ETF1: variants seen among roughly 807,000 people sequenced by gnomAD.
ETF1 encodes eukaryotic translation termination factor 1, also known as eukaryotic peptide chain release factor subunit 1.
In ETF1, 4 loss-of-function variants were observed where a neutral mutation model predicts 55.1. That is an observed-to-expected ratio of 0.07 (90% CI 0.04 to 0.17). The LOEUF (loss-of-function observed/expected upper bound fraction) is 0.17, where lower values mean the gene tolerates loss of function less well. Among genes scored for constraint, ETF1 ranks in the 10% least tolerant of loss-of-function variants. ETF1 has a pLI of 1.00. For synonymous variants in ETF1, 157 were observed against 182.3 expected (o/e 0.86, Z 1.12); for missense variants, 142 against 523.6 (o/e 0.27, Z 7.11).
chr5:138,524,670 T>C (rs1386478607), intron 2 of ETF1, among the ~76,000 whole-genome samples: 2 of 147,800 alleles, frequency 1.4e-5, no homozygotes, highest in Admixed American at 6.8e-5. Context: ...CTCTGCCTCC[T>C]GGGTTCAAGC....
At chr5:138,526,913 G>A (rs981484752) in intron 2 of ETF1, among the ~76,000 whole-genome samples, 1 of 152,020 alleles carries the variant, frequency 6.6e-6, no homozygotes, top group East Asian at 1.9e-4. Flanking sequence ...TGTTAGCCAG[G>A]ATGTTCTCGA....
chr5:138,524,217 G>C (rs1237540606), intron 2 of ETF1, among the ~76,000 whole-genome samples: 1 of 151,586 alleles, frequency 6.6e-6, no homozygotes, highest in African/African-American at 2.4e-5. Context: ...GTTGGGCATG[G>C]TGGCACACGC....
Position 138,517,663 on chromosome 5 carries a change from A to G in ETF1, c.300T>C (p.Ile100=), listed in dbSNP as rs767073825. 4 of 1,589,300 alleles carry G rather than the reference A, an allele frequency of 2.5e-6. No homozygotes were observed. The South Asian group carries it at 3.4e-5, about 13-fold the overall frequency. The change falls in exon 4 of 11, where the codon ATT becomes ATC. Residue 100 remains isoleucine, a synonymous_variant. Transcript: ENST00000360541. ...PNGLVVYCGT[I]VTEEGKEKKV... is the part of the protein sequence containing the mutation. ...TCTTTTCCTTTCCTTCTTCTGTTAC[A>G]ATTGTTCCACAGTATACAACCAGAC...
intron 2 of ETF1, among the ~76,000 whole-genome samples, chr5:138,530,099 T>G (rs774771333): frequency 1.3e-4 from 20 of 152,092 alleles, no homozygotes; most frequent in Non-Finnish European, 2.4e-4. Flanking sequence ...CAAGAACACT[T>G]CAGTTTGCAT....
chr5:138,542,734 G>C, intron 2 of ETF1, 99 bp downstream of exon 2: 1 of 1,547,608 alleles, frequency 6.5e-7, no homozygotes, highest in Non-Finnish European at 8.7e-7. Context: ...GAGTTGGCTA[G>C]TGCCTGGTTC....
chr5:138,539,105 T>C (rs1253246447), intron 2 of ETF1, among the ~76,000 whole-genome samples: 1 of 152,188 alleles, frequency 6.6e-6, no homozygotes, highest in Non-Finnish European at 1.5e-5. Context: ...TCTGACCAAG[T>C]GTTCATTGGA....
chr5:138,523,827 G>C (rs538759912), intron 2 of ETF1, among the ~76,000 whole-genome samples: 38 of 152,332 alleles, frequency 2.5e-4, no homozygotes, highest in Non-Finnish European at 4.7e-4. Context: ...AGCACTTTGG[G>C]AGGCTTGAGG....
chr5:138,510,717 G>A, intron 8 of ETF1, 88 bp from the exon 9 acceptor site: 1 of 1,532,476 alleles, frequency 6.5e-7, no homozygotes. Flanking sequence ...GATGAGAAAA[G>A]GGCTCAGGGA....
At chr5:138,532,738 T>C (rs532466011) in intron 2 of ETF1, among the ~76,000 whole-genome samples, 13 of 152,290 alleles carry the variant, frequency 8.5e-5, no homozygotes, top group Admixed American at 3.3e-4. Context: ...AAAAATAATA[T>C]GGCCAGAACA....
chr5:138,510,082 T>TGGGGG (rs1274865141), intron 9 of ETF1, among the ~76,000 whole-genome samples: 68 of 150,264 alleles, frequency 4.5e-4, no homozygotes, highest in Non-Finnish European at 8.3e-4. Context: ...AAAAGACCGG[T>TGGGGG]CATGGTGGCT....
intron 2 of ETF1, among the ~76,000 whole-genome samples, chr5:138,524,812 A>G (rs985470515): frequency 7.2e-5 from 11 of 151,822 alleles, no homozygotes; most frequent in Non-Finnish European, 1.3e-4. Context: ...TCCTGACTTC[A>G]TGATCCGCCC....
chr5:138,530,666 C>A (rs1054882260), intron 2 of ETF1, among the ~76,000 whole-genome samples: 32 of 151,320 alleles, frequency 2.1e-4, no homozygotes, highest in South Asian at 2.1e-4. Context: ...CTCTGCCTCC[C>A]CAGTTCAAGC....
intron 2 of ETF1, among the ~76,000 whole-genome samples, chr5:138,541,356 G>T (rs1466224278): frequency 6.6e-6 from 1 of 152,118 alleles, no homozygotes; most frequent in Non-Finnish European, 1.5e-5. Flanking sequence ...AAAACCTAAG[G>T]ACTAACAAGC....
rs116452192 is a variant in ETF1, at chr5:138,522,169, G to A, written c.87-3302C>T. 9.4e-3 allele frequency among the ~76,000 whole-genome samples: 1,432 copies of A among 151,906 alleles called. 27 individuals are homozygous for A. The highest frequency in any genetic ancestry group is 0.032 in the African/African-American group (1,338 of 41,412). On this transcript the variant is annotated intron_variant, in intron 2 of 10. Coordinates refer to ENST00000360541, the MANE Select transcript of ETF1 (RefSeq NM_004730.4). Reference sequence around the variant, plus strand: ...TCATTCTCAAAAAAACCCAAAAACCGACCTTTGGACTTCAAAGGATAGCAT... The same window carrying A: ...TCATTCTCAAAAAAACCCAAAAACCAACCTTTGGACTTCAAAGGATAGCAT...
At chr5:138,512,258 A>ATATTTTT (rs1484458741) in intron 6 of ETF1, among the ~76,000 whole-genome samples, 2 of 20,004 alleles carry the variant, frequency 1.0e-4, no homozygotes, top group Non-Finnish European at 8.5e-5. Context: ...ATATATATAT[A>ATATTTTT]TTTTTTTTTT....
chr5:138,542,644 G>A, intron 2 of ETF1, 189 bp downstream of exon 2: 1 of 1,427,714 alleles, frequency 7.0e-7, no homozygotes, highest in Non-Finnish European at 9.1e-7. Flanking sequence ...CCCCATGCGG[G>A]GAAAGGACCC....
At chr5:138,523,150 C>T (rs1765305728) in intron 2 of ETF1, among the ~76,000 whole-genome samples, 1 of 152,116 alleles carries the variant, frequency 6.6e-6, no homozygotes, top group Admixed American at 6.6e-5. Flanking sequence ...GGGCGGATCA[C>T]GAGGTCAAGA....
chr5:138,537,022 G>C lies in ETF1; in HGVS notation c.86+5811C>G, dbSNP rs113005757. Among the ~76,000 whole-genome samples the C allele has an allele frequency of 5.9e-3, 906 of 152,270 alleles. 4 individuals carry two copies. The highest frequency in any genetic ancestry group is 8.6e-3 in the Non-Finnish European group (585 of 68,026). On this transcript the variant is annotated intron_variant, in intron 2 of 10. Transcript: ENST00000360541. ...ATAAGTATATCTGCTATTACAATAG[G>C]AGGTCTGTCAAGACTTGAAATTCAA...
At chr5:138,526,692 A>G (rs1369316554) in intron 2 of ETF1, among the ~76,000 whole-genome samples, 1 of 150,966 alleles carries the variant, frequency 6.6e-6, no homozygotes, top group Non-Finnish European at 1.5e-5. Flanking sequence ...ATGCACCATC[A>G]TGCCCAACAG....
Sources: gnomAD v4.1 joint callset for allele counts (sites outside exome capture counted in the v4.1 genomes callset) on GRCh38, gnomAD v4.1.1 for gene constraint, MANE v1.5 for transcripts, NCBI Gene and HGNC (gene_info 2026-07-23, HGNC 2026-07-21) for gene names.